Variants in IL1RAP observed in about 807,000 individuals in gnomAD.
IL1RAP encodes the protein interleukin-1 receptor accessory protein.
IL1RAP carries 35 observed loss-of-function variants against 60.7 expected under a neutral mutation model. That is an observed-to-expected ratio of 0.58 (90% CI 0.44 to 0.76). The LOEUF (loss-of-function observed/expected upper bound fraction) is 0.76. Among genes scored for constraint, IL1RAP ranks in the 30% least tolerant of loss-of-function variants. The pLI is 0.00. For missense variants in IL1RAP, 572 were observed against 693.9 expected, an observed-to-expected ratio of 0.82 and a Z score of 1.97; for synonymous variants, 268 against 250.9, an observed-to-expected ratio of 1.07 and a Z score of -0.64.
At chr3:190,593,074 C>T (rs549290875) in intron 3 of IL1RAP, among the ~76,000 whole-genome samples, 1 of 152,006 alleles carries the variant, frequency 6.6e-6, no homozygotes, top group Non-Finnish European at 1.5e-5. Context: ...CCTCACCAAA[C>T]CCTTTTTTTT....
intron 9 of IL1RAP, among the ~76,000 whole-genome samples, chr3:190,635,727 T>C (rs1733166481): frequency 6.6e-6 from 1 of 152,220 alleles, no homozygotes; most frequent in Non-Finnish European, 1.5e-5. Context: ...TCACTCTTGA[T>C]AGTTATTTGT....
At chr3:190,638,849 T>C (rs1422468832) in intron 9 of IL1RAP, among the ~76,000 whole-genome samples, 1 of 152,176 alleles carries the variant, frequency 6.6e-6, no homozygotes, top group East Asian at 1.9e-4. Flanking sequence ...TATGTTTCTC[T>C]GGTGCCTTTG....
intron 2 of IL1RAP, among the ~76,000 whole-genome samples, chr3:190,560,554 A>T (rs779544312): frequency 2.6e-5 from 4 of 152,152 alleles, no homozygotes; most frequent in Non-Finnish European, 5.9e-5. Context: ...GTATAGAGCT[A>T]TATATGGGAT....
chr3:190,632,613 A>G (rs7626706), intron 9 of IL1RAP, among the ~76,000 whole-genome samples: 3,248 of 152,308 alleles, frequency 0.021, 124 homozygotes, highest in African/African-American at 0.074. Context: ...TATTGTATCA[A>G]TTTATTCTAT....
chr3:190,639,194 T>G (rs989529370), intron 9 of IL1RAP, among the ~76,000 whole-genome samples: 1 of 152,160 alleles, frequency 6.6e-6, no homozygotes, highest in Admixed American at 6.5e-5. Flanking sequence ...TTCAGCCATT[T>G]TCTTTTCAAA....
At chr3:190,624,589 G>A (rs766234901) in intron 7 of IL1RAP, 2 of 156,184 alleles carry the variant, frequency 1.3e-5, no homozygotes, top group Non-Finnish European at 2.8e-5. Flanking sequence ...GTTGTTAATG[G>A]GTGAAAGCAA....
chr3:190,638,785 A>G (rs1168541335), intron 9 of IL1RAP, among the ~76,000 whole-genome samples: 1 of 151,996 alleles, frequency 6.6e-6, no homozygotes, highest in Non-Finnish European at 1.5e-5. Context: ...TTCCTTTCAT[A>G]CCGATATCCA....
In IL1RAP at chr3:190,556,578, TCA is replaced by T. The variant is rs530085389; in HGVS notation, c.-2+365_-2+366del. Among the ~76,000 whole-genome samples, 4 of 152,286 alleles carry T rather than the reference TCA, an allele frequency of 2.6e-5. No individual in the cohort carries two copies. In the East Asian group the frequency reaches 7.7e-4, roughly 29 times the overall value. On this transcript the variant is annotated intron_variant, in intron 2 of 11. Transcript: ENST00000447382. ...ATTTCCAATTTCATCATAGAGGCTA[TCA>T]CAGTAATCTTGGCTTTTCTGTAATT...
chr3:190,564,420 C>T (rs1487464779), intron 3 of IL1RAP, 67 bp downstream of exon 3: 9 of 950,670 alleles, frequency 9.5e-6, no homozygotes, highest in Non-Finnish European at 1.6e-5. Flanking sequence ...GTCCACTCTT[C>T]CTGAAAATGA....
chr3:190,651,678 T>C (rs75253136), downstream of IL1RAP, among the ~76,000 whole-genome samples: 2,705 of 152,290 alleles, frequency 0.018, 57 homozygotes, highest in East Asian at 0.053. Flanking sequence ...GAACTTCTTA[T>C]CAAGAACATT....
rs1268530200 is a variant in IL1RAP, at chr3:190,651,299, G to A, written c.*2594G>A. ...GATTTATTTAATTCTCTTCTGTATT[G>A]TAACTTAGATGATTCCCAAGGACTC... On this transcript the variant is annotated 3_prime_UTR_variant, in exon 12 of 12. Transcript: ENST00000447382. 1.1e-6 allele frequency: 1 copy of A among 949,020 alleles called. No individual in the cohort carries two copies. The highest frequency in any genetic ancestry group is 1.8e-5 in the African/African-American group (1 of 56,478). 58.8% of individuals were successfully genotyped at this position (949,020 alleles called of 1,614,324 possible).
exon 12 of IL1RAP, chr3:190,656,785 A>T: frequency 1.9e-6 from 1 of 533,484 alleles, no homozygotes; most frequent in Non-Finnish European, 3.3e-6. Context: ...TGAATCCAGA[A>T]TTATTGCCTC....
intron 1 of IL1RAP, among the ~76,000 whole-genome samples, chr3:190,546,063 G>A (rs569288251): frequency 4.2e-4 from 64 of 152,188 alleles, no homozygotes; most frequent in Non-Finnish European, 7.9e-4. Flanking sequence ...ACTATGCATC[G>A]GTATGATTAG....
chr3:190,633,491 C>T (rs946573749), intron 9 of IL1RAP, among the ~76,000 whole-genome samples: 2 of 151,764 alleles, frequency 1.3e-5, no homozygotes, highest in Admixed American at 6.6e-5. Flanking sequence ...AGAGTAGCTG[C>T]GATTACAGGT....
In IL1RAP at chr3:190,620,450, A is replaced by C; in HGVS notation, c.703+10A>C. On this transcript the variant is annotated intron_variant, in intron 6 of 11. Coordinates refer to ENST00000447382, the MANE Select transcript of IL1RAP (RefSeq NM_002182.4). ...ACTGTAAAGGTAGTAGGTAAGCATG[A>C]TTAGTGTCCAGTACACACAACAAGC... is the stretch of plus-strand genomic sequence containing the variant. The C allele has an allele frequency of 6.2e-7, 1 of 1,606,678 alleles. No homozygotes were observed. The highest frequency in any genetic ancestry group is 1.3e-5 in the African/African-American group (1 of 74,622).
chr3:190,619,196 T>C (rs553316314), intron 5 of IL1RAP, among the ~76,000 whole-genome samples: 26 of 152,146 alleles, frequency 1.7e-4, no homozygotes, highest in African/African-American at 6.3e-4. Context: ...AGTGTATTGA[T>C]TTTTTTTCTC....
At chr3:190,615,272 C>A (rs1347931479) in intron 5 of IL1RAP, 2 of 1,237,206 alleles carry the variant, frequency 1.6e-6, no homozygotes, top group South Asian at 2.5e-5. Flanking sequence ...AAAACAAATT[C>A]TGAAATATAC....
At chr3:190,580,459 G>A (rs561114610) in intron 3 of IL1RAP, among the ~76,000 whole-genome samples, 1 of 152,292 alleles carries the variant, frequency 6.6e-6, no homozygotes, top group African/African-American at 2.4e-5. Flanking sequence ...TCATACAATT[G>A]AGTGTCAGTC....
At chr3:190,609,972 G>A (rs1730681800) in intron 5 of IL1RAP, among the ~76,000 whole-genome samples, 1 of 152,198 alleles carries the variant, frequency 6.6e-6, no homozygotes, top group Non-Finnish European at 1.5e-5. Flanking sequence ...ACCAGGAGCT[G>A]AAATTGGGAG....
Sources: allele counts gnomAD v4.1 joint callset (sites outside exome capture counted in the v4.1 genomes callset), GRCh38; gene constraint gnomAD v4.1.1; transcripts MANE v1.5; gene names NCBI Gene and HGNC (gene_info 2026-07-23, HGNC 2026-07-21).